MPZL1: variants seen among roughly 807,000 people sequenced by gnomAD.
The protein encoded by MPZL1 is myelin protein zero like 1, also known as myelin protein zero-like protein 1.
In MPZL1, 16 loss-of-function variants were observed where a neutral mutation model predicts 29.3. The observed-to-expected ratio is 0.55, with a 90% CI of 0.37 to 0.83. The LOEUF is 0.83. MPZL1 is among the 40% of genes least tolerant of loss of function. The pLI, the probability that MPZL1 is intolerant of heterozygous loss-of-function variation, is 0.00. For synonymous variants in MPZL1, 143 were observed against 132.0 expected (o/e 1.08, Z -0.57); for missense variants, 279 against 332.9 (o/e 0.84, Z 1.26).
At chr1:167,766,227 T>A (rs1661111911) in intron 2 of MPZL1, among the ~76,000 whole-genome samples, 1 of 152,236 alleles carries the variant, frequency 6.6e-6, no homozygotes, top group Admixed American at 6.5e-5. Flanking sequence ...TAAAACAGAA[T>A]CCTTGCTCTC....
intron 5 of MPZL1, among the ~76,000 whole-genome samples, chr1:167,783,408 G>A (rs963345907): frequency 2.6e-5 from 4 of 152,174 alleles, no homozygotes; most frequent in Admixed American, 2.6e-4. Context: ...TGTATTTGAG[G>A]AGTAGTTGGT....
Position 167,788,830 on chromosome 1 carries a change from C to T in MPZL1, c.*909C>T, listed in dbSNP as rs998039480. 1.3e-5 allele frequency: 2 copies of T among 151,324 alleles called. No homozygotes were observed. Among genetic ancestry groups the T allele is most frequent in the Admixed American group, 6.6e-5 (1 of 15,224 alleles). 9.4% of individuals were successfully genotyped at this position (151,324 alleles called of 1,614,324 possible). On this transcript the variant is annotated 3_prime_UTR_variant, in exon 6 of 6. Coordinates refer to ENST00000359523, the MANE Select transcript of MPZL1 (RefSeq NM_003953.6). ...GGCAGAAATGGTATCATTATGTTGCCGCTCTCCAATCTCCCAGAGCTCGCT... is the reference window on the plus strand; with the variant it reads ...GGCAGAAATGGTATCATTATGTTGCTGCTCTCCAATCTCCCAGAGCTCGCT...
At chr1:167,761,801 G>A (rs1001072546) in intron 1 of MPZL1, among the ~76,000 whole-genome samples, 2 of 152,176 alleles carry the variant, frequency 1.3e-5, no homozygotes, top group African/African-American at 4.8e-5. Flanking sequence ...ATGCATAGTG[G>A]ATAGAGAATT....
chr1:167,759,878 G>A (rs373855094), intron 1 of MPZL1, among the ~76,000 whole-genome samples: 1 of 152,196 alleles, frequency 6.6e-6, no homozygotes, highest in East Asian at 1.9e-4. Context: ...GGGGGTCAGG[G>A]TAGGCAATGA....
At chr1:167,742,611 TC>T (rs35973505) in intron 1 of MPZL1, among the ~76,000 whole-genome samples, 2 of 152,176 alleles carry the variant, frequency 1.3e-5, no homozygotes, top group African/African-American at 2.4e-5. Context: ...TGCTGACTGT[TC>T]CTTTTGCCAC....
intron 5 of MPZL1, among the ~76,000 whole-genome samples, chr1:167,777,475 T>C (rs1459016008): frequency 6.6e-6 from 1 of 152,042 alleles, no homozygotes; most frequent in Non-Finnish European, 1.5e-5. Context: ...AAATGGAAAC[T>C]GGGCCCAGCT....
At chr1:167,768,693 G>A (rs1033643928) in intron 2 of MPZL1, among the ~76,000 whole-genome samples, 8 of 152,198 alleles carry the variant, frequency 5.3e-5, no homozygotes, top group African/African-American at 1.9e-4. Flanking sequence ...TGTAGTTCCT[G>A]CTGTGTCCAA....
At chr1:167,747,611 C>T (rs1660671872) in intron 1 of MPZL1, among the ~76,000 whole-genome samples, 1 of 152,176 alleles carries the variant, frequency 6.6e-6, no homozygotes, top group African/African-American at 2.4e-5. Flanking sequence ...TCCTCCTAGT[C>T]CCCTGTCCCT....
intron 5 of MPZL1, among the ~76,000 whole-genome samples, chr1:167,779,595 A>G (rs913305355): frequency 6.6e-6 from 1 of 152,176 alleles, no homozygotes; most frequent in Admixed American, 6.5e-5. Context: ...AAAAAAAAAA[A>G]AATTGACTCT....
chr1:167,786,264 T>C (rs1014334489), intron 5 of MPZL1, among the ~76,000 whole-genome samples: 4 of 152,234 alleles, frequency 2.6e-5, no homozygotes, highest in Non-Finnish European at 4.4e-5. Flanking sequence ...GACTATTTAA[T>C]TTACTTGACC....
intron 5 of MPZL1, among the ~76,000 whole-genome samples, chr1:167,785,556 A>G (rs938884154): frequency 1.3e-5 from 2 of 152,212 alleles, no homozygotes; most frequent in Admixed American, 6.5e-5. Flanking sequence ...ATTATGTTGC[A>G]AAGAGTAAGA....
intron 4 of MPZL1, chr1:167,773,843 A>G (rs1377955306): frequency 6.6e-6 from 1 of 151,790 alleles, no homozygotes; most frequent in Non-Finnish European, 1.5e-5. Flanking sequence ...GGATTGCTTG[A>G]GCCGAGGCGT....
intron 1 of MPZL1, among the ~76,000 whole-genome samples, chr1:167,729,209 G>A (rs945256758): frequency 1.3e-5 from 2 of 151,836 alleles, no homozygotes; most frequent in African/African-American, 4.8e-5. Context: ...GGCAGAGGTT[G>A]CAGTGAGCTG....
At chr1:167,730,993 T>G (rs1571133087) in intron 1 of MPZL1, among the ~76,000 whole-genome samples, 2 of 152,240 alleles carry the variant, frequency 1.3e-5, no homozygotes, top group African/African-American at 4.8e-5. Context: ...ATTAGGAATT[T>G]AATTCTTTTT....
At chr1:167,783,841 TA>T (rs1661540185) in intron 5 of MPZL1, among the ~76,000 whole-genome samples, 1 of 152,194 alleles carries the variant, frequency 6.6e-6, no homozygotes, top group Non-Finnish European at 1.5e-5. Flanking sequence ...ATATTTTACT[TA>T]AAAAACAGTG....
chr1:167,772,792 T>C (rs1280600896), intron 3 of MPZL1, among the ~76,000 whole-genome samples: 1 of 152,230 alleles, frequency 6.6e-6, no homozygotes, highest in Non-Finnish European at 1.5e-5. Flanking sequence ...TCATTATGTT[T>C]GGATGTGATG....
intron 1 of MPZL1, among the ~76,000 whole-genome samples, chr1:167,743,101 G>A (rs1660568503): frequency 6.6e-6 from 1 of 151,828 alleles, no homozygotes; most frequent in Admixed American, 6.6e-5. Flanking sequence ...CTCTTTTTTG[G>A]TTCCATATGA....
intron 2 of MPZL1, among the ~76,000 whole-genome samples, chr1:167,769,745 C>T (rs998424981): frequency 1.3e-5 from 2 of 151,958 alleles, no homozygotes; most frequent in Non-Finnish European, 2.9e-5. Context: ...TAATAATAAC[C>T]ATTATTCTTT....
At chr1:167,771,234 G>A (rs941348853) in intron 2 of MPZL1, among the ~76,000 whole-genome samples, 13 of 152,188 alleles carry the variant, frequency 8.5e-5, no homozygotes, top group Middle Eastern at 3.4e-3. Context: ...GTTTAACAAA[G>A]CACATCTTGC....
Sources: gnomAD v4.1 joint callset for allele counts (sites outside exome capture counted in the v4.1 genomes callset) on GRCh38, gnomAD v4.1.1 for gene constraint, MANE v1.5 for transcripts, NCBI Gene and HGNC (gene_info 2026-07-23, HGNC 2026-07-21) for gene names.